The following SRBD1 variants were observed in gnomAD, a reference collection of about 807,000 sequenced individuals.
SRBD1 encodes the protein S1 RNA-binding domain-containing protein 1.
A neutral mutation model predicts 115.3 loss-of-function variants in SRBD1; 88 were observed. The observed-to-expected ratio is 0.76, with a 90% CI of 0.64 to 0.91. SRBD1 has a LOEUF of 0.91. SRBD1 is among the 40% of genes least tolerant of loss of function. The pLI is 0.00. For missense variants in SRBD1, 1,385 were observed against 1,177.4 expected (o/e 1.18, Z -2.58); for synonymous variants, 509 against 407.7 (o/e 1.25, Z -2.99).
At position 45,551,168 on chromosome 2, in the gene SRBD1, A is replaced by C. The variant is rs373784739; in HGVS notation, c.1632T>G (p.Pro544=). The change falls in exon 12 of 21, where the codon CCT becomes CCG. Residue 544 remains proline (P), a synonymous_variant. Coordinates refer to ENST00000263736, the MANE Select transcript of SRBD1 (RefSeq NM_018079.5). The stretch of plus-strand genomic sequence containing the variant: ...CTAATTTGCAACCATGTTTATAACC[A>C]GGATCCACTCCCATTAAGGTGCGCC... ...VPGRTLMGVD[P]GYKHGCKLAI... 37 of 1,607,702 alleles carry C rather than the reference A, an allele frequency of 2.3e-5. No individual in the cohort carries two copies. The highest frequency in any genetic ancestry group is 2.8e-5 in the Non-Finnish European group (33 of 1,178,632).
intron 14 of SRBD1, among the ~76,000 whole-genome samples, chr2:45,506,380 T>C (rs765841138): frequency 1.3e-5 from 2 of 152,220 alleles, no homozygotes; most frequent in Non-Finnish European, 2.9e-5. Flanking sequence ...GGACTTTACT[T>C]GTATTTAACT....
At chr2:45,472,920 T>C (rs1669693268) in intron 16 of SRBD1, among the ~76,000 whole-genome samples, 1 of 151,380 alleles carries the variant, frequency 6.6e-6, no homozygotes, top group Admixed American at 6.6e-5. Flanking sequence ...TTCATTTATG[T>C]GGAATATTTT....
chr2:45,393,616 G>A (rs1406527149), intron 19 of SRBD1, among the ~76,000 whole-genome samples: 2 of 152,134 alleles, frequency 1.3e-5, no homozygotes, highest in Admixed American at 6.5e-5. Context: ...TCCTGACCTC[G>A]TGATCTGCCT....
At chr2:45,427,465 G>A (rs1238513708) in intron 16 of SRBD1, among the ~76,000 whole-genome samples, 1 of 152,012 alleles carries the variant, frequency 6.6e-6, no homozygotes, top group East Asian at 1.9e-4. Flanking sequence ...AAATAAGCAG[G>A]GGTTGCAATC....
intron 19 of SRBD1, among the ~76,000 whole-genome samples, chr2:45,398,365 GA>G (rs907516843): frequency 4.1e-5 from 6 of 145,110 alleles, no homozygotes; most frequent in Non-Finnish European, 9.1e-5. Flanking sequence ...ATGAGTAGAA[GA>G]AAAAAAAAAG....
At chr2:45,430,823 A>G (rs986026013) in intron 16 of SRBD1, among the ~76,000 whole-genome samples, 1 of 152,252 alleles carries the variant, frequency 6.6e-6, no homozygotes, top group African/African-American at 2.4e-5. Flanking sequence ...GAGCTTCTGC[A>G]CAGGAAAAGA....
At chr2:45,497,892 G>A (rs541522369) in intron 14 of SRBD1, among the ~76,000 whole-genome samples, 40 of 152,118 alleles carry the variant, frequency 2.6e-4, no homozygotes, top group African/African-American at 7.5e-4. Flanking sequence ...AAATCAGCCC[G>A]GCATGGTGAC....
At chr2:45,468,861 A>C (rs36074416) in intron 16 of SRBD1, among the ~76,000 whole-genome samples, 15,418 of 152,246 alleles carry the variant, frequency 0.1, 1,010 homozygotes, top group East Asian at 0.21. Flanking sequence ...ATAATGTACA[A>C]GATTCCAAGT....
intron 19 of SRBD1, among the ~76,000 whole-genome samples, chr2:45,407,256 C>T (rs942405349): frequency 1.3e-5 from 2 of 152,200 alleles, no homozygotes; most frequent in African/African-American, 4.8e-5. Context: ...GTTGTTTGTA[C>T]TGGACCATTA....
At chr2:45,407,567 C>A (rs1244003410) in intron 19 of SRBD1, among the ~76,000 whole-genome samples, 3 of 152,078 alleles carry the variant, frequency 2.0e-5, no homozygotes, top group Non-Finnish European at 2.9e-5. Flanking sequence ...ATACTTCAGC[C>A]CCTATCACAG....
In SRBD1 at chr2:45,599,805, A is replaced by T. The variant is rs1558505420; in HGVS notation, c.292T>A (p.Leu98Ile). Residue 98 changes from leucine to isoleucine, a missense_variant, in exon 4 of 21, where the codon TTA becomes ATA. Physicochemically the swap from Leu to Ile is conservative, Grantham distance 5. Transcript: ENST00000263736. Reference protein sequence around the residue: ...NSSVAIADTALEDRKNKLDTV... With the variant: ...NSSVAIADTAIEDRKNKLDTV... ...TCCAATTTATTTTTTCTGTCTTCTA[A>T]AGCAGTATCAGCAATAGCCACAGAG... 3.7e-6 allele frequency: 6 copies of T among 1,613,604 alleles called. No individual in the cohort carries two copies. The highest frequency in any genetic ancestry group is 5.1e-6 in the Non-Finnish European group (6 of 1,179,962).
intron 1 of SRBD1, among the ~76,000 whole-genome samples, chr2:45,610,833 C>A (rs1386153222): frequency 1.3e-5 from 2 of 151,770 alleles, no homozygotes; most frequent in African/African-American, 4.8e-5. Flanking sequence ...GAGGCTGAGG[C>A]AGGCGAATGG....
At chr2:45,570,671 G>A (rs193239867) in intron 9 of SRBD1, among the ~76,000 whole-genome samples, 1 of 152,304 alleles carries the variant, frequency 6.6e-6, no homozygotes, top group East Asian at 1.9e-4. Flanking sequence ...ATTTCTATAA[G>A]AGAGCACTTT....
intron 16 of SRBD1, among the ~76,000 whole-genome samples, chr2:45,436,089 G>A (rs1291104143): frequency 2.0e-5 from 3 of 151,894 alleles, no homozygotes; most frequent in Admixed American, 2.0e-4. Flanking sequence ...AGGTATGCAA[G>A]TCTGGTTCAA....
At chr2:45,424,754 G>C (rs1358951922) in intron 16 of SRBD1, among the ~76,000 whole-genome samples, 1 of 152,050 alleles carries the variant, frequency 6.6e-6, no homozygotes, top group African/African-American at 2.4e-5. Flanking sequence ...AAAATCAAAA[G>C]GTATGAAAAA....
At chr2:45,470,451 C>G (rs1425874881) in intron 16 of SRBD1, among the ~76,000 whole-genome samples, 1 of 152,114 alleles carries the variant, frequency 6.6e-6, no homozygotes. Context: ...ATTTCATTCT[C>G]TATCATCACC....
intron 16 of SRBD1, among the ~76,000 whole-genome samples, chr2:45,437,325 A>G (rs1161565225): frequency 6.6e-6 from 1 of 150,988 alleles, no homozygotes; most frequent in Non-Finnish European, 1.5e-5. Context: ...TACTACACTA[A>G]GCATAGTAAT....
At chr2:45,404,553 C>T (rs1485659611) in intron 19 of SRBD1, among the ~76,000 whole-genome samples, 1 of 152,058 alleles carries the variant, frequency 6.6e-6, no homozygotes, top group Non-Finnish European at 1.5e-5. Flanking sequence ...TCAGTAAATC[C>T]TATTGAGTCT....
chr2:45,548,078 A>G (rs983228654), intron 12 of SRBD1, among the ~76,000 whole-genome samples: 2 of 151,438 alleles, frequency 1.3e-5, no homozygotes, highest in Non-Finnish European at 2.9e-5. Flanking sequence ...ATTTATAACA[A>G]TTAAATTTAA....
Sources: gnomAD v4.1 joint callset for allele counts (sites outside exome capture counted in the v4.1 genomes callset) on GRCh38, gnomAD v4.1.1 for gene constraint, MANE v1.5 for transcripts, NCBI Gene and HGNC (gene_info 2026-07-23, HGNC 2026-07-21) for gene names.